Variants in MALRD1 observed in about 807,000 individuals in gnomAD.
MALRD1 encodes the protein MAM and LDL-receptor class A domain-containing protein 1.
A neutral mutation model predicts 242.1 loss-of-function variants in MALRD1; 247 were observed. The ratio of observed to expected loss-of-function variants is 1.02; its 90% confidence interval spans 0.92 to 1.13. The LOEUF (loss-of-function observed/expected upper bound fraction) is 1.13, where lower values mean the gene tolerates loss of function less well. Ranked by LOEUF, MALRD1 falls within the 50% of genes most tolerant of loss-of-function variation. The pLI is 0.00. For synonymous variants in MALRD1, 995 were observed against 866.6 expected (o/e 1.15, Z -2.60); for missense variants, 2,989 against 2,533.1 (o/e 1.18, Z -3.86).
At chr10:19,493,685 A>T (rs1322149832) in intron 30 of MALRD1, among the ~76,000 whole-genome samples, 1 of 150,228 alleles carries the variant, frequency 6.7e-6, no homozygotes, top group Non-Finnish European at 1.5e-5. Context: ...CTGGTGGTGG[A>T]TGCCTGTAAT....
chr10:19,720,369 G>A (rs572676250), intron 38 of MALRD1, among the ~76,000 whole-genome samples: 1 of 152,188 alleles, frequency 6.6e-6, no homozygotes, highest in South Asian at 2.1e-4. Flanking sequence ...AAATAATGTG[G>A]TTAGGGACTT....
chr10:19,130,796 T>G (rs1240237091), intron 8 of MALRD1, among the ~76,000 whole-genome samples: 1 of 152,152 alleles, frequency 6.6e-6, no homozygotes, highest in Non-Finnish European at 1.5e-5. Context: ...GCCATTCTTC[T>G]GGTGGCTTTA....
chr10:19,624,668 C>G (rs1382340455), intron 36 of MALRD1, among the ~76,000 whole-genome samples: 5 of 151,868 alleles, frequency 3.3e-5, no homozygotes, highest in Non-Finnish European at 7.4e-5. Flanking sequence ...GAGTTCAAGA[C>G]CAGCCTGGCC....
chr10:19,264,646 G>A (rs7074336), intron 19 of MALRD1, among the ~76,000 whole-genome samples: 14,984 of 151,700 alleles, frequency 0.099, 899 homozygotes, highest in African/African-American at 0.17. Context: ...GTAGATCCGG[G>A]GTTTCACTGT....
chr10:19,559,466 C>T (rs1354530175), intron 32 of MALRD1, among the ~76,000 whole-genome samples: 1 of 151,984 alleles, frequency 6.6e-6, no homozygotes, highest in East Asian at 1.9e-4. Flanking sequence ...TTTGATTAAG[C>T]ATATTTTATT....
intron 38 of MALRD1, chr10:19,730,450 TTTTATTTGCCTGAG>T: frequency 2.0e-6 from 1 of 501,266 alleles, no homozygotes; most frequent in Admixed American, 3.2e-5. Context: ...TTGCAATTTC[TTTTATTTGCCTGAG>T]TTTATTTGGA....
intron 2 of MALRD1, among the ~76,000 whole-genome samples, chr10:19,083,701 G>T (rs528674447): frequency 1.3e-5 from 2 of 152,020 alleles, no homozygotes; most frequent in South Asian, 4.1e-4. Flanking sequence ...ACTCATTCTT[G>T]TGGCTGCCAG....
At chr10:19,132,870 A>G (rs765478852) in intron 8 of MALRD1, among the ~76,000 whole-genome samples, 2 of 152,206 alleles carry the variant, frequency 1.3e-5, no homozygotes, top group Non-Finnish European at 2.9e-5. Flanking sequence ...AAGCATCAAC[A>G]TAAATCATAA....
rs1179317225 is a variant in MALRD1, at chr10:19,730,741, A to C, written c.6350A>C (p.Asn2117Thr). The C allele has an allele frequency of 3.3e-6, 5 of 1,536,582 alleles. No homozygotes were observed. Among genetic ancestry groups the C allele is most frequent in the Non-Finnish European group, 4.4e-6 (5 of 1,147,046 alleles). Residue 2117 changes from asparagine to threonine, a missense_variant, in exon 39 of 40, where the codon AAT becomes ACT. Asn to Thr is a moderately conservative substitution (Grantham distance 65). Transcript: ENST00000454679. ...GGAAGTGGTAACTGTGCCTTTGTCA[A>C]TCCAGTTTACGGGAACTGGAGCAAC... ...TEGSGNCAFVNPVYGNWSNPE... is the reference protein window; with the variant it reads ...TEGSGNCAFVTPVYGNWSNPE...
intron 5 of MALRD1, 127 bp from the exon 6 acceptor site, chr10:19,123,365 G>A: frequency 2.4e-6 from 1 of 409,222 alleles, no homozygotes; most frequent in East Asian, 3.6e-5. Context: ...CCTAAAGGGT[G>A]ATGATACCAT....
chr10:19,118,305 A>C (rs1400207772), intron 5 of MALRD1, among the ~76,000 whole-genome samples: 1 of 152,228 alleles, frequency 6.6e-6, no homozygotes, highest in Non-Finnish European at 1.5e-5. Flanking sequence ...AGTCCTCAGG[A>C]GATCCTGAGA....
chr10:19,575,492 C>G (rs932473006), intron 33 of MALRD1, among the ~76,000 whole-genome samples: 7 of 151,674 alleles, frequency 4.6e-5, no homozygotes, highest in African/African-American at 1.7e-4. Flanking sequence ...TTCACACACA[C>G]ACACACACAC....
chr10:19,316,222 A>G (rs1429206544), intron 21 of MALRD1, among the ~76,000 whole-genome samples: 1 of 151,834 alleles, frequency 6.6e-6, no homozygotes, highest in Admixed American at 6.6e-5. Context: ...CTTCCAGAGC[A>G]ATGCCATACA....
At chr10:19,177,683 T>C (rs1346391731) in intron 14 of MALRD1, among the ~76,000 whole-genome samples, 1 of 152,222 alleles carries the variant, frequency 6.6e-6, no homozygotes, top group Non-Finnish European at 1.5e-5. Context: ...CCCCTTTTCC[T>C]ATTTAGAAAA....
At chr10:19,608,210 G>A (rs912722924) in intron 35 of MALRD1, among the ~76,000 whole-genome samples, 8 of 151,732 alleles carry the variant, frequency 5.3e-5, no homozygotes, top group African/African-American at 1.9e-4. Context: ...AAAATTGCTT[G>A]GTTTCTATAA....
At chr10:19,693,164 C>T (rs1167454318) in intron 38 of MALRD1, among the ~76,000 whole-genome samples, 6 of 151,738 alleles carry the variant, frequency 4.0e-5, no homozygotes, top group Non-Finnish European at 1.5e-5. Flanking sequence ...AAAACTGGCA[C>T]AGGACAGGGA....
At chr10:19,189,245 C>G (rs997009459) in intron 14 of MALRD1, among the ~76,000 whole-genome samples, 1 of 151,942 alleles carries the variant, frequency 6.6e-6, no homozygotes, top group Admixed American at 6.6e-5. Context: ...TAAAACCTAC[C>G]AAGATTAAAG....
intron 36 of MALRD1, among the ~76,000 whole-genome samples, chr10:19,691,902 ATGACT>A (rs1842837653): frequency 6.6e-6 from 1 of 152,120 alleles, no homozygotes; most frequent in South Asian, 2.1e-4. Context: ...GTTTTCTGAA[ATGACT>A]TGAATCTCTT....
chr10:19,315,186 A>ATAATTTATATAAATATATC, intron 21 of MALRD1, among the ~76,000 whole-genome samples: 1 of 127,528 alleles, frequency 7.8e-6, no homozygotes, highest in Non-Finnish European at 1.6e-5. Flanking sequence ...ATAAATATAT[A>ATAATTTATATAAATATATC]AATATAATTT....
Sources: gnomAD v4.1 joint callset for allele counts (sites outside exome capture counted in the v4.1 genomes callset) on GRCh38, gnomAD v4.1.1 for gene constraint, MANE v1.5 for transcripts, NCBI Gene and HGNC (gene_info 2026-07-23, HGNC 2026-07-21) for gene names.